Variants in DAB1 observed in about 807,000 individuals in gnomAD.
DAB1 encodes disabled homolog 1.
DAB1 carries 15 observed loss-of-function variants against 64.6 expected under a neutral mutation model. The ratio of observed to expected loss-of-function variants is 0.23; its 90% CI spans 0.16 to 0.36. DAB1 has a LOEUF of 0.36. Ranked by LOEUF, DAB1 falls within the 10% of genes least tolerant of loss-of-function variation. DAB1 has a pLI of 1.00. For missense variants in DAB1, 596 were observed against 706.7 expected (o/e 0.84, Z 1.78); for synonymous variants, 235 against 251.9 (o/e 0.93, Z 0.64).
intron 1 of DAB1, among the ~76,000 whole-genome samples, chr1:57,363,179 G>C (rs1679692747): frequency 6.6e-6 from 1 of 152,154 alleles, no homozygotes; most frequent in Non-Finnish European, 1.5e-5. Context: ...AGTTGTGTTG[G>C]TTTACTGCCT....
At chr1:57,546,106 C>T (rs889597286) in intron 7 of DAB1, among the ~76,000 whole-genome samples, 8 of 147,446 alleles carry the variant, frequency 5.4e-5, no homozygotes, top group Non-Finnish European at 7.5e-5. Flanking sequence ...TGTGCGCGCA[C>T]GTGTGCATGT....
chr1:58,542,021 A>G (rs990420525), intron 1 of DAB1, among the ~76,000 whole-genome samples: 3 of 152,244 alleles, frequency 2.0e-5, no homozygotes, highest in African/African-American at 7.2e-5. Flanking sequence ...CAGGACTACC[A>G]GTTTTAATAG....
intron 5 of DAB1, among the ~76,000 whole-genome samples, chr1:58,122,916 G>A (rs1437374955): frequency 2.0e-5 from 3 of 152,134 alleles, no homozygotes; most frequent in Non-Finnish European, 2.9e-5. Flanking sequence ...GAATGAGTAC[G>A]AGCTTCCTAG....
chr1:57,095,266 T>A (rs1654053164), intron 4 of DAB1, among the ~76,000 whole-genome samples: 1 of 152,194 alleles, frequency 6.6e-6, no homozygotes, highest in South Asian at 2.1e-4. Context: ...GCGCCCTTTG[T>A]GTCTTTACAC....
Position 57,616,582 on chromosome 1 carries a change from T to C in DAB1, n.625+33010A>G, listed in dbSNP as rs533198719. 6.0e-4 allele frequency among the ~76,000 whole-genome samples: 91 copies of C among 152,150 alleles called. 1 individual carries two copies. Among genetic ancestry groups the C allele is most frequent in the South Asian group, 1.2e-3 (6 of 4,816 alleles). On this transcript the variant is annotated intron_variant and non_coding_transcript_variant, in intron 7 of 20. Transcript: ENST00000485760. ...ATGTTCTGTAGGTACTTATAGGAGA[T>C]CTATAATGGCAGCGCAGGCATTATA...
intron 7 of DAB1, among the ~76,000 whole-genome samples, chr1:57,508,911 T>TA (rs1296268161): frequency 6.6e-6 from 1 of 151,836 alleles, no homozygotes; most frequent in Non-Finnish European, 1.5e-5. Context: ...ATAAAACATT[T>TA]ATATATGCAC....
intron 2 of DAB1, among the ~76,000 whole-genome samples, chr1:57,254,671 T>G (rs1212422305): frequency 6.6e-6 from 1 of 152,162 alleles, no homozygotes; most frequent in Non-Finnish European, 1.5e-5. Context: ...CTCCAGTAAC[T>G]GTCTAGGTTA....
At chr1:58,523,552 A>G (rs1646300458) in intron 2 of DAB1, among the ~76,000 whole-genome samples, 1 of 152,182 alleles carries the variant, frequency 6.6e-6, no homozygotes, top group Non-Finnish European at 1.5e-5. Flanking sequence ...GGACGCCTTC[A>G]GTGTTGAACT....
At position 57,071,661 on chromosome 1, in the gene DAB1, G is replaced by A. The variant is rs1335657953; in HGVS notation, c.439-20C>T. 6.2e-7 allele frequency: 1 copy of A among 1,611,114 alleles called. No individual in the cohort carries two copies. The highest frequency in any genetic ancestry group is 1.7e-5 in the Admixed American group (1 of 59,694). ...TTCAGCCTGGGATGAAAGGTAGTAA[G>A]GCACATCATAAGGGAATGGTACTGA... On this transcript the variant is annotated intron_variant, in intron 5 of 14. Coordinates refer to ENST00000371236, the MANE Select transcript of DAB1 (RefSeq NM_001365792.1).
rs1250399894 is a variant in DAB1, at chr1:57,848,293, GAT to G, written n.88-21840_88-21839del. On this transcript the variant is annotated intron_variant and non_coding_transcript_variant, in intron 1 of 1. Transcript: ENST00000477280. The stretch of plus-strand genomic sequence containing the variant: ...ACTAATGATATCTAAACCTAACCAA[GAT>G]AGCACACATGTGCACATGCACACTC... Among the ~76,000 whole-genome samples the G allele has an allele frequency of 5.9e-5, 9 of 152,274 alleles. No homozygotes were observed. In the East Asian group the frequency reaches 1.5e-3, roughly 26 times the overall value.
chr1:58,466,606 T>C (rs1645298985), intron 3 of DAB1, among the ~76,000 whole-genome samples: 1 of 152,170 alleles, frequency 6.6e-6, no homozygotes. Flanking sequence ...CTCATTCATC[T>C]TCAGGCCTCA....
intron 2 of DAB1, among the ~76,000 whole-genome samples, chr1:57,226,524 C>T (rs1667265007): frequency 6.6e-6 from 1 of 152,008 alleles, no homozygotes; most frequent in African/African-American, 2.4e-5. Context: ...TCAGCCCCTC[C>T]ACCACTTCCT....
At chr1:57,187,667 T>C (rs1663707226) in intron 2 of DAB1, among the ~76,000 whole-genome samples, 1 of 152,196 alleles carries the variant, frequency 6.6e-6, no homozygotes, top group Admixed American at 6.5e-5. Context: ...TAAATGTTCT[T>C]ATCTACACTT....
rs1304151556 is a variant in DAB1, at chr1:57,226,677, A to G, written c.67+64287T>C. ...TCAAAAGTGGTTAAAAAAAAAATAT[A>G]TATATATATATATATATATATCAGT... On this transcript the variant is annotated intron_variant, in intron 2 of 14. Transcript: ENST00000371236. 7.8e-5 allele frequency among the ~76,000 whole-genome samples: 10 copies of G among 127,994 alleles called. No homozygotes were observed. The East Asian group carries it at 2.4e-3, about 30-fold the overall frequency. 84.0% of individuals were successfully genotyped at this position (127,994 alleles called of 152,430 possible). A position where few individuals can be genotyped will look rare whatever the true frequency, so the allele number is the denominator to read the frequency against.
chr1:57,379,280 A>G (rs975418437), intron 1 of DAB1, among the ~76,000 whole-genome samples: 4 of 152,184 alleles, frequency 2.6e-5, no homozygotes, highest in Admixed American at 2.0e-4. Flanking sequence ...TCTTAGATAG[A>G]TGATCTGTAA....
intron 6 of DAB1, among the ~76,000 whole-genome samples, chr1:57,687,329 C>T (rs1187763498): frequency 6.6e-6 from 1 of 152,016 alleles, no homozygotes; most frequent in East Asian, 1.9e-4. Context: ...ATACAACTAA[C>T]CAAGGAGGTG....
chr1:57,687,552 A>G (rs373601725), intron 6 of DAB1, among the ~76,000 whole-genome samples: 5 of 147,576 alleles, frequency 3.4e-5, no homozygotes, highest in Admixed American at 2.1e-4. Context: ...TAAAACTCAT[A>G]TGTAACAACA....
chr1:58,299,774 C>T (rs1324781293), intron 4 of DAB1, among the ~76,000 whole-genome samples: 1 of 152,162 alleles, frequency 6.6e-6, no homozygotes, highest in African/African-American at 2.4e-5. Flanking sequence ...AACACTTCTG[C>T]TCAGAGTATG....
intron 7 of DAB1, among the ~76,000 whole-genome samples, chr1:57,461,674 C>T (rs528742357): frequency 1.6e-4 from 25 of 152,338 alleles, no homozygotes; most frequent in Non-Finnish European, 2.8e-4. Context: ...TTACCTCTTA[C>T]TCATCTTTTC....
Sources: allele counts gnomAD v4.1 joint callset (sites outside exome capture counted in the v4.1 genomes callset), GRCh38; gene constraint gnomAD v4.1.1; transcripts MANE v1.5; gene names NCBI Gene and HGNC (gene_info 2026-07-23, HGNC 2026-07-21).